Variants in ADGRL4 observed in about 807,000 individuals in gnomAD.
ADGRL4 encodes the protein adhesion G protein-coupled receptor L4.
A neutral mutation model predicts 74.8 loss-of-function variants in ADGRL4; 90 were observed. The ratio of observed to expected loss-of-function variants is 1.20; its 90% CI spans 1.02 to 1.43. The LOEUF (loss-of-function observed/expected upper bound fraction) is 1.43, where lower values mean the gene tolerates loss of function less well. ADGRL4 is among the 40% of genes most tolerant of loss of function. The pLI is 0.00. For missense variants in ADGRL4, 881 were observed against 814.3 expected (o/e 1.08, Z -1.00); for synonymous variants, 311 against 279.2 (o/e 1.11, Z -1.14).
intron 2 of ADGRL4, among the ~76,000 whole-genome samples, chr1:78,997,309 C>T (rs1385547983): frequency 2.6e-5 from 4 of 152,232 alleles, no homozygotes; most frequent in African/African-American, 9.6e-5. Flanking sequence ...TGCAGCTTCC[C>T]TATTCTATCC....
At chr1:78,965,472 A>G (rs770203575) in intron 2 of ADGRL4, among the ~76,000 whole-genome samples, 21 of 152,152 alleles carry the variant, frequency 1.4e-4, no homozygotes, top group Non-Finnish European at 2.9e-4. Flanking sequence ...GTGTTAATTT[A>G]AAAAAAGAAA....
intron 2 of ADGRL4, among the ~76,000 whole-genome samples, chr1:78,998,257 T>TG (rs35100942): frequency 0.43 from 64,831 of 150,010 alleles, 14,129 homozygotes; most frequent in East Asian, 0.59. Context: ...TCATTGCTTT[T>TG]TTTTTTTTTT....
At chr1:78,994,880 T>C (rs1195572961) in intron 2 of ADGRL4, among the ~76,000 whole-genome samples, 1 of 152,194 alleles carries the variant, frequency 6.6e-6, no homozygotes, top group Non-Finnish European at 1.5e-5. Flanking sequence ...AGCTTTTGGA[T>C]TTACTTCCTA....
Position 78,962,869 on chromosome 1 carries a change from G to A in ADGRL4, c.173-16443C>T, listed in dbSNP as rs78246602. Among the ~76,000 whole-genome samples, 125 of 152,050 alleles carry A rather than the reference G, an allele frequency of 8.2e-4. 2 individuals are homozygous for A. The East Asian group carries it at 0.022, about 26-fold the overall frequency. The stretch of plus-strand genomic sequence containing the variant: ...ACACAAAACTAAGCAAGCAACAAAC[G>A]GATTAGGATAAAATAGGGTGCCAAT... On this transcript the variant is annotated intron_variant, in intron 2 of 14. Coordinates refer to ENST00000370742, the MANE Select transcript of ADGRL4 (RefSeq NM_022159.4).
At chr1:78,907,481 T>C (rs1029475481) in intron 12 of ADGRL4, among the ~76,000 whole-genome samples, 7 of 152,026 alleles carry the variant, frequency 4.6e-5, no homozygotes, top group African/African-American at 1.7e-4. Context: ...GAGCTTACAG[T>C]ACTCCTTTGA....
In ADGRL4 at chr1:78,921,748, A is replaced by G; in HGVS notation, c.1122T>C (p.Asn374=). 2.5e-6 allele frequency: 4 copies of G among 1,598,454 alleles called. No homozygotes were observed. Among genetic ancestry groups the G allele is most frequent in the Non-Finnish European group, 3.4e-6 (4 of 1,173,420 alleles). ...DRYRSLCAFW[N]YSPDTMNGSW... is the part of the protein sequence containing the mutation. ...TGCCATTCATGGTATCAGGTGAGTA[A>G]TTCCAAAATGCACATAGACTCCTAT... The change falls in exon 9 of 15, where the codon AAT becomes AAC. Residue 374 remains asparagine, a synonymous_variant. Coordinates refer to ENST00000370742, the MANE Select transcript of ADGRL4 (RefSeq NM_022159.4).
At chr1:78,941,250 T>C (rs1181418848) in intron 3 of ADGRL4, among the ~76,000 whole-genome samples, 1 of 152,112 alleles carries the variant, frequency 6.6e-6, no homozygotes, top group Non-Finnish European at 1.5e-5. Flanking sequence ...ACAGAAGCAC[T>C]CAGATGGTAG....
chr1:79,003,239 G>C (rs764138451), intron 2 of ADGRL4, among the ~76,000 whole-genome samples: 2 of 151,916 alleles, frequency 1.3e-5, no homozygotes, highest in South Asian at 2.1e-4. Context: ...TAATTCTAAA[G>C]AGCATATTAA....
chr1:78,919,237 C>T (rs1648946825), intron 10 of ADGRL4, among the ~76,000 whole-genome samples: 3 of 152,036 alleles, frequency 2.0e-5, no homozygotes, highest in Admixed American at 1.3e-4. Flanking sequence ...TTTTTGTGGT[C>T]ATGAGAATAC....
intron 12 of ADGRL4, among the ~76,000 whole-genome samples, chr1:78,898,748 T>C (rs1311327733): frequency 6.6e-6 from 1 of 152,178 alleles, no homozygotes; most frequent in Non-Finnish European, 1.5e-5. Flanking sequence ...TTGTTTCATC[T>C]TAAGTGATAT....
In ADGRL4 at chr1:78,996,681, T is replaced by G. The variant is rs963299738; in HGVS notation, c.172+8389A>C. The stretch of plus-strand genomic sequence containing the variant: ...CCTTCCATGGTTGATCCTCTGTTTC[T>G]CAGTTTTGTTCTCTTATTTTCCATT... On this transcript the variant is annotated intron_variant, in intron 2 of 14. Transcript: ENST00000370742. Among the ~76,000 whole-genome samples, 62 of 152,226 alleles carry G rather than the reference T, an allele frequency of 4.1e-4. 1 individual carries two copies. The highest frequency in any genetic ancestry group is 1.4e-3 in the African/African-American group (57 of 41,456).
chr1:78,890,951 GA>G lies in ADGRL4; in HGVS notation c.*202del. The G allele has an allele frequency of 1.8e-6, 1 of 567,738 alleles. No individual in the cohort carries two copies. The highest frequency in any genetic ancestry group is 3.2e-6 in the Non-Finnish European group (1 of 315,686). The allele number at this position is 567,738 out of a possible 1,614,324, so 35.2% of individuals were successfully genotyped here. ...ATTTTTGACAGAACTATTTCACATA[GA>G]AAAACATAGTATATCTATATGATAC... On this transcript the variant is annotated 3_prime_UTR_variant, in exon 15 of 15. Transcript: ENST00000370742.
At chr1:78,957,470 C>T (rs1254749254) in intron 2 of ADGRL4, among the ~76,000 whole-genome samples, 1 of 152,122 alleles carries the variant, frequency 6.6e-6, no homozygotes, top group South Asian at 2.1e-4. Flanking sequence ...AGTGAAAAAG[C>T]CTTATTGTTG....
intron 6 of ADGRL4, among the ~76,000 whole-genome samples, chr1:78,937,446 A>G (rs913347577): frequency 1.3e-5 from 2 of 152,216 alleles, no homozygotes; most frequent in African/African-American, 4.8e-5. Flanking sequence ...CTTTGTCTTT[A>G]AACAAACAGA....
intron 13 of ADGRL4, 35 bp from the exon 14 acceptor site, chr1:78,891,727 C>G (rs2100647345): frequency 6.4e-7 from 1 of 1,569,290 alleles, no homozygotes; most frequent in Non-Finnish European, 8.6e-7. Flanking sequence ...GTGAAGAAAG[C>G]TACGTATAGT....
chr1:78,950,827 C>T (rs1157486254), intron 2 of ADGRL4, among the ~76,000 whole-genome samples: 1 of 152,062 alleles, frequency 6.6e-6, no homozygotes. Flanking sequence ...TTGGAGCGAT[C>T]TGGTGGATAA....
intron 2 of ADGRL4, among the ~76,000 whole-genome samples, chr1:78,965,605 C>A (rs1473049403): frequency 6.6e-6 from 1 of 152,156 alleles, no homozygotes; most frequent in Non-Finnish European, 1.5e-5. Flanking sequence ...CTGGATATAA[C>A]AAGAGATTGT....
At chr1:79,005,988 T>C (rs1650955130) in intron 1 of ADGRL4, among the ~76,000 whole-genome samples, 1 of 152,102 alleles carries the variant, frequency 6.6e-6, no homozygotes, top group Admixed American at 6.5e-5. Context: ...TGAAATACAT[T>C]TGGAAATTAT....
chr1:78,939,155 A>G (rs1329324969), intron 4 of ADGRL4, 33 bp downstream of exon 4: 10 of 1,522,938 alleles, frequency 6.6e-6, no homozygotes, highest in Non-Finnish European at 8.8e-6. Context: ...CCAAAATGTC[A>G]AAATAAAATA....
Sources: gnomAD v4.1 joint callset for allele counts (sites outside exome capture counted in the v4.1 genomes callset) on GRCh38, gnomAD v4.1.1 for gene constraint, MANE v1.5 for transcripts, NCBI Gene and HGNC (gene_info 2026-07-23, HGNC 2026-07-21) for gene names.